SIMC1: variants seen among roughly 807,000 people sequenced by gnomAD.
SIMC1 encodes SUMO interacting motifs containing 1, also known as SUMO-interacting motif-containing protein 1.
SIMC1 carries 55 observed loss-of-function variants against 82.3 expected under a neutral mutation model. The observed-to-expected ratio is 0.67, with a 90% CI of 0.54 to 0.84. SIMC1 has a LOEUF of 0.84. Ranked by LOEUF, SIMC1 falls within the 40% of genes least tolerant of loss-of-function variation. The probability of loss-of-function intolerance (pLI) is 0.00; values close to 1 mark genes in which losing one functional copy is unlikely to be tolerated. For missense variants in SIMC1, 915 were observed against 1,107.2 expected, an observed-to-expected ratio of 0.83 and a Z score of 2.46; for synonymous variants, 353 against 426.3, an observed-to-expected ratio of 0.83 and a Z score of 2.12.
chr5:176,315,680 G>A (rs969638685), intron 5 of SIMC1, among the ~76,000 whole-genome samples: 4 of 152,144 alleles, frequency 2.6e-5, no homozygotes, highest in African/African-American at 7.2e-5. Flanking sequence ...CAATGACTAC[G>A]ATAAATCCTC....
rs1301420483 is a variant in SIMC1 at position 176,256,234 on chromosome 5, A to G, written c.129+17597A>G. 6.6e-5 allele frequency among the ~76,000 whole-genome samples: 10 copies of G among 152,354 alleles called. No homozygotes were observed. In the East Asian group the frequency reaches 1.9e-3, roughly 29 times the overall value. Reference sequence around the variant, plus strand: ...ATCTCTTGCAAATGTTATTAAAAGCAGATCAATACTTCAAGAAAACATTGT... The same window carrying G: ...ATCTCTTGCAAATGTTATTAAAAGCGGATCAATACTTCAAGAAAACATTGT... On this transcript the variant is annotated intron_variant, in intron 1 of 9. Coordinates refer to ENST00000429602, the MANE Select transcript of SIMC1 (RefSeq NM_001308195.2).
chr5:176,291,620 G>A (rs1251885293), intron 2 of SIMC1, among the ~76,000 whole-genome samples: 1 of 151,800 alleles, frequency 6.6e-6, no homozygotes, highest in Non-Finnish European at 1.5e-5. Flanking sequence ...ACAGGCGTGA[G>A]CCACCGCGCC....
At chr5:176,287,074 T>C (rs1053058568) in intron 1 of SIMC1, among the ~76,000 whole-genome samples, 4 of 152,224 alleles carry the variant, frequency 2.6e-5, no homozygotes, top group Non-Finnish European at 5.9e-5. Flanking sequence ...AGTGTGGCGA[T>C]TCCTCAAGGA....
Position 176,345,354 on chromosome 5 carries a change from A to G in SIMC1, c.2585A>G (p.Asp862Gly). ...GAGCCTCTTGTCCCCCAACTCCAAG[A>G]CAAAGTGCACTTGTTGAAGCTCCTG... ...LGEPLVPQLQ[D>G]KVHLLKLLLF... The change falls in exon 10 of 10, where the codon GAC becomes GGC. Residue 862 changes from aspartate (D) to glycine (G), a missense_variant. By Grantham distance (94) the Asp-to-Gly change is moderately conservative (BLOSUM62 -1). This residue lies in a region of SIMC1 where 902 missense variants were observed against 1,040.3 expected (regional missense o/e 0.87). Coordinates refer to ENST00000429602, the MANE Select transcript of SIMC1 (RefSeq NM_001308195.2). 6.2e-7 allele frequency: 1 copy of G among 1,613,994 alleles called. No homozygotes were observed. The highest frequency in any genetic ancestry group is 8.5e-7 in the Non-Finnish European group (1 of 1,179,886).
intron 9 of SIMC1, among the ~76,000 whole-genome samples, chr5:176,338,745 GCTCTCAGACC>G (rs1766009271): frequency 6.6e-6 from 1 of 151,198 alleles, no homozygotes; most frequent in Admixed American, 6.6e-5. Flanking sequence ...AAGTAAGATA[GCTCTCAGACC>G]CTCTCAGGCC....
rs149858672 is a variant in SIMC1 at position 176,290,541 on chromosome 5, G to A, written c.1017G>A (p.Pro339=). The change falls in exon 2 of 10, where the codon CCG becomes CCA. Residue 339 remains proline, a synonymous_variant. Coordinates refer to ENST00000429602, the MANE Select transcript of SIMC1 (RefSeq NM_001308195.2). ...CACCAGGGGGCATGCCACACTTACC[G>A]GGAGATGTGTTACATTCACCTGGAG... is the stretch of plus-strand genomic sequence containing the variant. ...PQSPGGMPHL[P]GDVLHSPGDM... is the part of the protein sequence containing the mutation. 4.4e-5 allele frequency: 71 copies of A among 1,613,908 alleles called. No individual in the cohort carries two copies. Among genetic ancestry groups the A allele is most frequent in the East Asian group, 4.2e-4 (19 of 44,876 alleles).
intron 4 of SIMC1, chr5:176,313,425 A>T (rs1764754873): frequency 6.5e-7 from 1 of 1,547,828 alleles, no homozygotes; most frequent in Non-Finnish European, 8.7e-7. Context: ...TTATCTGCAG[A>T]TGCCTAGATC....
chr5:176,336,152 C>T (rs1765883401), intron 7 of SIMC1, among the ~76,000 whole-genome samples: 1 of 151,932 alleles, frequency 6.6e-6, no homozygotes, highest in Admixed American at 6.6e-5. Flanking sequence ...AGAAATACCT[C>T]CTGCGTTGAG....
At chr5:176,277,773 A>G (rs1762782598) in intron 1 of SIMC1, among the ~76,000 whole-genome samples, 1 of 151,638 alleles carries the variant, frequency 6.6e-6, no homozygotes, top group African/African-American at 2.4e-5. Flanking sequence ...ATGCGGTGTT[A>G]TTTCTGAGGG....
At chr5:176,287,875 A>G (rs913075751) in intron 1 of SIMC1, among the ~76,000 whole-genome samples, 2 of 152,184 alleles carry the variant, frequency 1.3e-5, no homozygotes, top group African/African-American at 4.8e-5. Flanking sequence ...TTTCAATATC[A>G]TTAAATTCTT....
intron 4 of SIMC1, among the ~76,000 whole-genome samples, chr5:176,309,950 A>G (rs1276206881): frequency 6.6e-6 from 1 of 152,198 alleles, no homozygotes; most frequent in Non-Finnish European, 1.5e-5. Context: ...AAAGGCCACA[A>G]AAACTCAACA....
At chr5:176,325,739 A>G (rs2113378646) in intron 7 of SIMC1, among the ~76,000 whole-genome samples, 1 of 152,082 alleles carries the variant, frequency 6.6e-6, no homozygotes, top group South Asian at 2.1e-4. Flanking sequence ...AATAAAAATA[A>G]AAATTTAACT....
intron 5 of SIMC1, among the ~76,000 whole-genome samples, chr5:176,316,403 A>C (rs1192283751): frequency 6.6e-6 from 1 of 151,506 alleles, no homozygotes; most frequent in African/African-American, 2.4e-5. Flanking sequence ...GTGGTGGCTC[A>C]CACCTGTAAT....
In SIMC1 at chr5:176,290,845, C is replaced by T; in HGVS notation, c.1321C>T (p.Gln441Ter). Residue 441 changes from glutamine (Q) to a stop codon, truncating the protein, a stop_gained, in exon 2 of 10, where the codon CAA (glutamine) becomes TAA (stop). Coordinates refer to ENST00000429602, the MANE Select transcript of SIMC1 (RefSeq NM_001308195.2). LOFTEE classifies it high-confidence loss of function. ...GSAHVQSRTP[Q>*]GGLYNRPCLH... The stretch of plus-strand genomic sequence containing the variant: ...TGCCCACGTACAATCACGAACACCA[C>T]AAGGTGGGTTGTACAACAGACCATG... 1 of 1,613,768 alleles carries T rather than the reference C, an allele frequency of 6.2e-7. No homozygotes were observed. The highest frequency in any genetic ancestry group is 8.5e-7 in the Non-Finnish European group (1 of 1,179,734).
chr5:176,244,626 A>G (rs1761373668), intron 1 of SIMC1, among the ~76,000 whole-genome samples: 1 of 149,064 alleles, frequency 6.7e-6, no homozygotes, highest in South Asian at 2.1e-4. Context: ...GCTTATGTTT[A>G]TTGGAAACAC....
chr5:176,272,631 G>A (rs1476778756), intron 1 of SIMC1, among the ~76,000 whole-genome samples: 1 of 152,162 alleles, frequency 6.6e-6, no homozygotes, highest in Non-Finnish European at 1.5e-5. Context: ...CTGAAGCAGG[G>A]TGAGGCTTTG....
intron 1 of SIMC1, among the ~76,000 whole-genome samples, chr5:176,249,394 G>T (rs1455113939): frequency 6.6e-6 from 1 of 152,124 alleles, no homozygotes; most frequent in Non-Finnish European, 1.5e-5. Flanking sequence ...TTGCATAGAG[G>T]TGTGTATAGT....
At chr5:176,321,432 A>G (rs1765153028) in intron 5 of SIMC1, among the ~76,000 whole-genome samples, 1 of 149,984 alleles carries the variant, frequency 6.7e-6, no homozygotes, top group African/African-American at 2.5e-5. Flanking sequence ...ACAGAGCGAG[A>G]CTCTGCCTAA....
At chr5:176,276,286 G>T (rs1762690613) in intron 1 of SIMC1, among the ~76,000 whole-genome samples, 1 of 151,510 alleles carries the variant, frequency 6.6e-6, no homozygotes, top group East Asian at 1.9e-4. Flanking sequence ...TTCTCTGATG[G>T]TAGTTTGTAT....
Sources: allele counts gnomAD v4.1 joint callset (sites outside exome capture counted in the v4.1 genomes callset), GRCh38; gene constraint gnomAD v4.1.1; regional missense constraint gnomAD v4.1.1; transcripts MANE v1.5; gene names NCBI Gene and HGNC (gene_info 2026-07-23, HGNC 2026-07-21).